ZNF107: variants seen among roughly 807,000 people sequenced by gnomAD.
ZNF107 encodes zinc finger protein 107, also known as C2H2 type zinc-finger protein.
A neutral mutation model predicts 12.3 loss-of-function variants in ZNF107; 19 were observed. The observed-to-expected ratio is 1.55, with a 90% CI of 1.08 to 2.27. The LOEUF (loss-of-function observed/expected upper bound fraction) is 2.27, where lower values mean the gene tolerates loss of function less well. Among genes scored for constraint, ZNF107 ranks in the 30% most tolerant of loss-of-function variants. The probability of loss-of-function intolerance (pLI) is 0.00; values close to 1 mark genes in which losing one functional copy is unlikely to be tolerated. For missense variants in ZNF107, 958 were observed against 979.9 expected (o/e 0.98, Z 0.30); for synonymous variants, 317 against 330.5 (o/e 0.96, Z 0.44).
In ZNF107 at chr7:64,708,844, A is replaced by T. The variant is rs1185286738; in HGVS notation, c.*188A>T. 7 of 673,492 alleles carry T rather than the reference A, an allele frequency of 1.0e-5. No homozygotes were observed. Among genetic ancestry groups the T allele is most frequent in the Non-Finnish European group, 1.7e-5 (7 of 403,894 alleles). 41.7% of individuals were successfully genotyped at this position (673,492 alleles called of 1,614,324 possible). A position where few individuals can be genotyped will look rare whatever the true frequency, so the allele number is the denominator to read the frequency against. ...TTTAACTAATCTTCAAACCTTACTG[A>T]AAGTTGAGAAAATTCGTACTGGAGA... On this transcript the variant is annotated 3_prime_UTR_variant, in exon 4 of 4. Transcript: ENST00000620827.
At chr7:64,678,742 AG>A (rs1346858373) in intron 1 of ZNF107, among the ~76,000 whole-genome samples, 1 of 152,216 alleles carries the variant, frequency 6.6e-6, no homozygotes. Flanking sequence ...AGTAGATATT[AG>A]TATGATATGC....
rs749094948 is a variant in ZNF107 at position 64,707,331 on chromosome 7, C to G, written c.1234C>G (p.Leu412Val). 1 of 1,613,096 alleles carries G rather than the reference C, an allele frequency of 6.2e-7. No homozygotes were observed. Among genetic ancestry groups the G allele is most frequent in the Non-Finnish European group, 8.5e-7 (1 of 1,179,722 alleles). ...CAAAGTCTTTAACCAGTTCTCAACT[C>G]TTACTAGACATAAGATAATTCATAC... The part of the protein sequence containing the change: ...CGKVFNQFST[L>V]TRHKIIHTGE... The change falls in exon 4 of 4, where the codon CTT becomes GTT. Residue 412 changes from leucine (L) to valine (V), a missense_variant. Leu to Val is a conservative substitution (Grantham distance 32, BLOSUM62 1). Coordinates refer to ENST00000620827, the MANE Select transcript of ZNF107 (RefSeq NM_001282359.2).
chr7:64,708,300 T>C lies in ZNF107; in HGVS notation c.2203T>C (p.Cys735Arg). ...IIHTGEKPYK[C>R]KECGKAFNLS... ...TCATACTGGAGAGAAACCTTACAAATGTAAAGAATGTGGCAAAGCTTTTAA... is the reference window on the plus strand; with the variant it reads ...TCATACTGGAGAGAAACCTTACAAACGTAAAGAATGTGGCAAAGCTTTTAA... The change falls in exon 4 of 4, where the codon TGT (cysteine) becomes CGT (arginine). Residue 735 changes from cysteine (C) to arginine (R), a missense_variant. Coordinates refer to ENST00000620827, the MANE Select transcript of ZNF107 (RefSeq NM_001282359.2). 1 of 1,613,518 alleles carries C rather than the reference T, an allele frequency of 6.2e-7. No homozygotes were observed. Among genetic ancestry groups the C allele is most frequent in the East Asian group, 2.2e-5 (1 of 44,812 alleles).
intron 3 of ZNF107, among the ~76,000 whole-genome samples, chr7:64,701,762 G>A (rs1790484555): frequency 6.6e-6 from 1 of 152,016 alleles, no homozygotes; most frequent in Non-Finnish European, 1.5e-5. Flanking sequence ...TCTACTACAA[G>A]TAAGTGCCAT....
At chr7:64,678,653 A>G (rs79479544) in intron 1 of ZNF107, among the ~76,000 whole-genome samples, 6,160 of 152,308 alleles carry the variant, frequency 0.04, 140 homozygotes, top group Non-Finnish European at 0.06. Flanking sequence ...TCCTACATAC[A>G]TTATGACTAG....
At chr7:64,679,679 C>T (rs928176480) in intron 1 of ZNF107, among the ~76,000 whole-genome samples, 13 of 152,148 alleles carry the variant, frequency 8.5e-5, no homozygotes, top group Non-Finnish European at 4.4e-5. Flanking sequence ...AAAACCGCTC[C>T]GTCTTTCACC....
intron 3 of ZNF107, among the ~76,000 whole-genome samples, chr7:64,701,255 A>G (rs1584487973): frequency 2.6e-5 from 4 of 152,112 alleles, no homozygotes; most frequent in African/African-American, 4.8e-5. Context: ...GATATTTTCA[A>G]CCTATTTGAC....
At chr7:64,679,413 T>C (rs923617832) in intron 1 of ZNF107, 2 of 946,572 alleles carry the variant, frequency 2.1e-6, no homozygotes, top group Middle Eastern at 5.3e-4. Context: ...GTTTCCTAAA[T>C]CTAACATTGG....
intron 3 of ZNF107, among the ~76,000 whole-genome samples, chr7:64,695,107 A>AAT (rs1037901981): frequency 1.6e-4 from 24 of 151,958 alleles, no homozygotes; most frequent in African/African-American, 4.3e-4. Context: ...TACCCAAATA[A>AAT]ATATATATAT....
rs900338437 is a variant in ZNF107 at position 64,710,976 on chromosome 7, A to G, written c.*2320A>G. On this transcript the variant is annotated 3_prime_UTR_variant, in exon 4 of 4. Transcript: ENST00000620827. ...TAAAATTAAAGTGAATTAGTAGTAT[A>G]TCATTTTACTATTTGTACTTTTATG... The G allele has an allele frequency of 1.3e-5, 2 of 152,204 alleles. No individual in the cohort carries two copies. Among genetic ancestry groups the G allele is most frequent in the Non-Finnish European group, 2.9e-5 (2 of 67,998 alleles). 9.4% of individuals were successfully genotyped at this position (152,204 alleles called of 1,614,324 possible). A position where few individuals can be genotyped will look rare whatever the true frequency, so the allele number is the denominator to read the frequency against.
intron 3 of ZNF107, among the ~76,000 whole-genome samples, chr7:64,696,793 A>G (rs1449164311): frequency 2.6e-5 from 4 of 152,112 alleles, no homozygotes; most frequent in African/African-American, 4.8e-5. Context: ...TTATCTTAAA[A>G]TGTGACAAGA....
At chr7:64,693,310 G>C (rs1790182056) in intron 3 of ZNF107, among the ~76,000 whole-genome samples, 1 of 148,802 alleles carries the variant, frequency 6.7e-6, no homozygotes, top group Non-Finnish European at 1.5e-5. Flanking sequence ...ACCACGCCTG[G>C]CCAGTTTTTT....
chr7:64,691,215 C>G (rs1584480373), intron 1 of ZNF107, 33 bp from the exon 2 acceptor site: 49 of 1,416,872 alleles, frequency 3.5e-5, no homozygotes, highest in Middle Eastern at 1.9e-4. Context: ...CTTATGGCTG[C>G]TTGGTAAATG....
chr7:64,695,385 C>A (rs556022950), intron 3 of ZNF107, among the ~76,000 whole-genome samples: 1 of 152,208 alleles, frequency 6.6e-6, no homozygotes, highest in South Asian at 2.1e-4. Context: ...TTAAATATTG[C>A]AGTTATCTAG....
At chr7:64,694,446 T>G (rs1790219512) in intron 3 of ZNF107, among the ~76,000 whole-genome samples, 1 of 152,238 alleles carries the variant, frequency 6.6e-6, no homozygotes, top group African/African-American at 2.4e-5. Flanking sequence ...CACAACTCCC[T>G]TCCTGGAACT....
chr7:64,691,934 G>A lies in ZNF107; in HGVS notation c.200G>A (p.Arg67Lys), dbSNP rs769814363. ...EQKKEPWNIK[R>K]HEMVAKPPVM... ...AAAAAAGAGCCCTGGAATATAAAAA[G>A]ACATGAGATGGTAGCCAAACCCCCA... The change falls in exon 3 of 4, where the codon AGA becomes AAA. Residue 67 changes from arginine to lysine, a missense_variant. Transcript: ENST00000620827. The A allele has an allele frequency of 3.3e-6, 5 of 1,526,228 alleles. No individual in the cohort carries two copies. The African/African-American group carries it at 5.7e-5, about 17-fold the overall frequency. 94.5% of individuals were successfully genotyped at this position (1,526,228 alleles called of 1,614,324 possible).
rs1790112741 is a variant in ZNF107 at position 64,691,364 on chromosome 7, G to C, written c.120G>C (p.Leu40=). ...RNVLLENYRN[L]VFLGIAVSKP... ...TGTTGTTAGAGAACTACAGAAACCT[G>C]GTCTTTTTGGGTGAGGATAACTTCA... Residue 40 remains leucine, a synonymous_variant, in exon 2 of 4, where the codon CTG becomes CTC. Coordinates refer to ENST00000620827, the MANE Select transcript of ZNF107 (RefSeq NM_001282359.2). 1 of 1,481,042 alleles carries C rather than the reference G, an allele frequency of 6.8e-7. No individual in the cohort carries two copies. The highest frequency in any genetic ancestry group is 1.4e-5 in the South Asian group (1 of 72,044). 91.7% of individuals were successfully genotyped at this position (1,481,042 alleles called of 1,614,324 possible).
chr7:64,687,660 T>A, intron 1 of ZNF107: 2 of 716,976 alleles, frequency 2.8e-6, no homozygotes, highest in Non-Finnish European at 3.4e-6. Flanking sequence ...CCTCCCAAAT[T>A]ACCAGGTGAA....
At chr7:64,677,780 A>G (rs1789479712) in intron 1 of ZNF107, among the ~76,000 whole-genome samples, 1 of 146,612 alleles carries the variant, frequency 6.8e-6, no homozygotes, top group Non-Finnish European at 1.5e-5. Flanking sequence ...TGAACCCGCA[A>G]GGCGGGGCTT....
Sources: allele counts gnomAD v4.1 joint callset (sites outside exome capture counted in the v4.1 genomes callset), GRCh38; gene constraint gnomAD v4.1.1; transcripts MANE v1.5; gene names NCBI Gene and HGNC (gene_info 2026-07-23, HGNC 2026-07-21).